Variants in SCMH1 observed in about 807,000 individuals in gnomAD.
The protein encoded by SCMH1 is Scm polycomb group protein homolog 1.
Under a neutral mutation model 70.8 loss-of-function variants are expected in SCMH1, and 37 were observed. That is an observed-to-expected ratio of 0.52 (90% CI 0.40 to 0.69). The LOEUF (loss-of-function observed/expected upper bound fraction) is 0.69, where lower values mean the gene tolerates loss of function less well. Among genes scored for constraint, SCMH1 ranks in the 30% least tolerant of loss-of-function variants. The probability of loss-of-function intolerance (pLI) is 0.00; values close to 1 mark genes in which losing one functional copy is unlikely to be tolerated. For synonymous variants in SCMH1, 292 were observed against 307.4 expected, an observed-to-expected ratio of 0.95 and a Z score of 0.52; for missense variants, 607 against 827.3, an observed-to-expected ratio of 0.73 and a Z score of 3.27.
intron 6 of SCMH1, among the ~76,000 whole-genome samples, chr1:41,125,593 G>A (rs1237436965): frequency 1.3e-5 from 2 of 150,234 alleles, no homozygotes; most frequent in Non-Finnish European, 3.0e-5. Flanking sequence ...TTTTTTTTGA[G>A]AAGAGGTTTT....
exon 11 of SCMH1, chr1:41,048,726 A>G (rs1647137651): frequency 3.7e-6 from 6 of 1,614,126 alleles, no homozygotes; most frequent in Non-Finnish European, 5.1e-6. Flanking sequence ...TGCTTGAGGA[A>G]GCTGAAGACG....
chr1:41,173,556 G>C (rs899447102), intron 2 of SCMH1, among the ~76,000 whole-genome samples: 1 of 152,106 alleles, frequency 6.6e-6, no homozygotes, highest in Non-Finnish European at 1.5e-5. Context: ...CAGGATGAAG[G>C]TTCCTCAAAA....
Position 41,226,345 on chromosome 1 carries a change from G to C in SCMH1, c.-118+15714C>G, listed in dbSNP as rs576108612. On this transcript the variant is annotated intron_variant, in intron 1 of 14. Coordinates refer to ENST00000337495, the Ensembl canonical transcript of SCMH1. The stretch of plus-strand genomic sequence containing the variant: ...CACAAATGATGAGATTTGTAACTTA[G>C]AAAAATAACTCTAGTGGCATTTTAG... 2.3e-4 allele frequency among the ~76,000 whole-genome samples: 35 copies of C among 152,042 alleles called. No homozygotes were observed. In the East Asian group the frequency reaches 6.6e-3, roughly 29 times the overall value.
intron 1 of SCMH1, among the ~76,000 whole-genome samples, chr1:41,232,021 C>CAA (rs58506638): frequency 1.0e-4 from 10 of 96,270 alleles, no homozygotes; most frequent in Non-Finnish European, 1.8e-4. Context: ...AAGACTGTCT[C>CAA]AAAAAAAAAA....
At chr1:41,157,582 C>T (rs192713012) in intron 4 of SCMH1, among the ~76,000 whole-genome samples, 1 of 152,266 alleles carries the variant, frequency 6.6e-6, no homozygotes, top group East Asian at 1.9e-4. Context: ...GAGGTGTTTT[C>T]GAAGGTCCAG....
intron 8 of SCMH1, among the ~76,000 whole-genome samples, chr1:41,085,401 A>G (rs1256089444): frequency 1.3e-5 from 2 of 152,194 alleles, no homozygotes; most frequent in Admixed American, 6.5e-5. Flanking sequence ...CCAAAATCCT[A>G]AAGGAAACAT....
chr1:41,200,929 A>AT (rs138860341), intron 1 of SCMH1, among the ~76,000 whole-genome samples: 28,330 of 150,036 alleles, frequency 0.19, 2,979 homozygotes, highest in South Asian at 0.31. Context: ...AACCTTTACC[A>AT]TTTTTTTTTT....
intron 4 of SCMH1, among the ~76,000 whole-genome samples, chr1:41,154,854 C>G (rs1205441675): frequency 6.6e-6 from 1 of 152,118 alleles, no homozygotes; most frequent in Non-Finnish European, 1.5e-5. Flanking sequence ...ATTATTCATT[C>G]AACAGATACT....
At chr1:41,041,778 G>A (rs923398772) in intron 12 of SCMH1, among the ~76,000 whole-genome samples, 1 of 152,130 alleles carries the variant, frequency 6.6e-6, no homozygotes, top group Non-Finnish European at 1.5e-5. Flanking sequence ...GATGACAACT[G>A]GAAAGAAAGG....
rs185924950 is a variant in SCMH1, at chr1:41,111,269, C to T, written c.745+2014G>A. Among the ~76,000 whole-genome samples, 303 of 152,238 alleles carry T rather than the reference C, an allele frequency of 2.0e-3. 1 individual carries two copies. The highest frequency in any genetic ancestry group is 5.6e-3 in the South Asian group (27 of 4,832). ...TTCCCTAATATGTTTAGAATAAAATCCAATATTCCCACTCTGGTTTACAAG... is the reference window on the plus strand; with the variant it reads ...TTCCCTAATATGTTTAGAATAAAATTCAATATTCCCACTCTGGTTTACAAG... On this transcript the variant is annotated intron_variant, in intron 8 of 14. Coordinates refer to ENST00000337495, the Ensembl canonical transcript of SCMH1.
chr1:41,222,463 G>C (rs979906855), intron 1 of SCMH1, among the ~76,000 whole-genome samples: 2 of 151,912 alleles, frequency 1.3e-5, no homozygotes, highest in Non-Finnish European at 2.9e-5. Context: ...CCTTCATATA[G>C]GAAAAAAACC....
chr1:41,184,731 T>C (rs937119826), intron 2 of SCMH1, among the ~76,000 whole-genome samples: 1 of 152,090 alleles, frequency 6.6e-6, no homozygotes, highest in African/African-American at 2.4e-5. Context: ...GCAGAAAGGC[T>C]GAATGACCAC....
intron 8 of SCMH1, among the ~76,000 whole-genome samples, chr1:41,108,012 A>G (rs758511568): frequency 1.3e-5 from 2 of 152,226 alleles, no homozygotes; most frequent in African/African-American, 2.4e-5. Context: ...CAGTGTAAGA[A>G]TCCTGTACGT....
intron 4 of SCMH1, among the ~76,000 whole-genome samples, chr1:41,153,349 A>T (rs1012825984): frequency 6.6e-6 from 1 of 152,190 alleles, no homozygotes; most frequent in African/African-American, 2.4e-5. Context: ...AATTAACTTA[A>T]ATTTAAATCC....
chr1:41,207,525 A>C (rs1200053555), intron 1 of SCMH1, among the ~76,000 whole-genome samples: 1 of 152,244 alleles, frequency 6.6e-6, no homozygotes, highest in Non-Finnish European at 1.5e-5. Flanking sequence ...ATACAGGAGC[A>C]CCCAGATTCA....
intron 1 of SCMH1, among the ~76,000 whole-genome samples, chr1:41,219,313 T>C (rs1386437070): frequency 6.6e-6 from 1 of 152,206 alleles, no homozygotes; most frequent in Non-Finnish European, 1.5e-5. Flanking sequence ...AGAACAGCAC[T>C]TTCCTAAGTT....
chr1:41,149,031 T>A (rs1348959600), intron 5 of SCMH1, among the ~76,000 whole-genome samples: 1 of 152,140 alleles, frequency 6.6e-6, no homozygotes, highest in Non-Finnish European at 1.5e-5. Context: ...GACTTCACGA[T>A]CCGCCCACCT....
At chr1:41,214,758 A>T (rs568315152) in intron 1 of SCMH1, among the ~76,000 whole-genome samples, 30 of 152,232 alleles carry the variant, frequency 2.0e-4, no homozygotes, top group African/African-American at 7.0e-4. Flanking sequence ...ACTAACCCTG[A>T]TTCTCCAATT....
intron 8 of SCMH1, among the ~76,000 whole-genome samples, chr1:41,078,090 C>T (rs1301627738): frequency 6.6e-6 from 1 of 151,706 alleles, no homozygotes; most frequent in African/African-American, 2.4e-5. Context: ...CATCTTATAA[C>T]TAAAAAATAC....
Sources: gnomAD v4.1 joint callset for allele counts (sites outside exome capture counted in the v4.1 genomes callset) on GRCh38, gnomAD v4.1.1 for gene constraint, MANE v1.5 for transcripts, NCBI Gene and HGNC (gene_info 2026-07-23, HGNC 2026-07-21) for gene names.